RPH3A: variants seen among roughly 807,000 people sequenced by gnomAD.
RPH3A encodes the protein rabphilin-3A.
A neutral mutation model predicts 102.2 loss-of-function variants in RPH3A; 48 were observed. That is an observed-to-expected ratio of 0.47 (90% CI 0.37 to 0.60). The LOEUF (loss-of-function observed/expected upper bound fraction) is 0.60. RPH3A is among the 20% of genes least tolerant of loss of function. RPH3A has a pLI of 0.00. For synonymous variants in RPH3A, 310 were observed against 324.3 expected (o/e 0.96, Z 0.47); for missense variants, 781 against 910.1 (o/e 0.86, Z 1.83).
intron 6 of RPH3A, among the ~76,000 whole-genome samples, chr12:112,865,801 C>G (rs964219050): frequency 6.6e-6 from 1 of 152,134 alleles, no homozygotes; most frequent in Non-Finnish European, 1.5e-5. Context: ...AACTAGGGAG[C>G]CTGTGGCAGA....
At chr12:112,819,264 C>A (rs762911496) in intron 2 of RPH3A, among the ~76,000 whole-genome samples, 2 of 151,968 alleles carry the variant, frequency 1.3e-5, no homozygotes, top group African/African-American at 2.4e-5. Context: ...CACCACCATG[C>A]CCAACTAATT....
intron 2 of RPH3A, among the ~76,000 whole-genome samples, chr12:112,793,618 T>A (rs76551622): frequency 5.3e-5 from 8 of 152,190 alleles, no homozygotes; most frequent in African/African-American, 1.7e-4. Context: ...TCCTAGCTTC[T>A]CTTGCTGGGT....
intron 1 of RPH3A, among the ~76,000 whole-genome samples, chr12:112,686,497 T>C (rs1454983469): frequency 6.6e-6 from 1 of 152,244 alleles, no homozygotes; most frequent in African/African-American, 2.4e-5. Context: ...ATCAGGGCTT[T>C]ACCTCTCTTG....
chr12:112,833,892 GATAAGTTTTTTTTTA>G (rs2042010331), intron 3 of RPH3A, among the ~76,000 whole-genome samples: 1 of 152,176 alleles, frequency 6.6e-6, no homozygotes, highest in Middle Eastern at 3.4e-3. Context: ...ACTGCACCTG[GATAAGTTTTTTTTTA>G]AATAGAGATG....
intron 1 of RPH3A, among the ~76,000 whole-genome samples, chr12:112,660,892 C>T (rs923711109): frequency 1.3e-5 from 2 of 152,074 alleles, no homozygotes; most frequent in African/African-American, 4.8e-5. Flanking sequence ...AATAGATTCT[C>T]ATGGGATCTG....
intron 1 of RPH3A, among the ~76,000 whole-genome samples, chr12:112,584,894 C>T (rs1592893691): frequency 6.6e-6 from 1 of 152,242 alleles, no homozygotes; most frequent in South Asian, 2.1e-4. Flanking sequence ...AGTATTGACT[C>T]ACACTATCAC....
chr12:112,728,910 A>G (rs1419407971), intron 1 of RPH3A, among the ~76,000 whole-genome samples: 2 of 152,188 alleles, frequency 1.3e-5, no homozygotes, highest in Non-Finnish European at 2.9e-5. Flanking sequence ...GGGAATGGGC[A>G]GGGAACTTCC....
intron 1 of RPH3A, among the ~76,000 whole-genome samples, chr12:112,716,220 T>C (rs571985567): frequency 2.7e-4 from 41 of 152,306 alleles, no homozygotes; most frequent in African/African-American, 9.4e-4. Flanking sequence ...TCTCATCTTG[T>C]GACTTAGAAT....
chr12:112,838,839 A>G (rs901847666), intron 4 of RPH3A, among the ~76,000 whole-genome samples: 7 of 152,034 alleles, frequency 4.6e-5, no homozygotes, highest in Non-Finnish European at 8.8e-5. Flanking sequence ...GGAAACATCT[A>G]TGAGGGCTTC....
intron 1 of RPH3A, among the ~76,000 whole-genome samples, chr12:112,588,519 TC>T (rs1440584178): frequency 1.4e-4 from 22 of 152,198 alleles, no homozygotes. Flanking sequence ...ACGGGGTCCC[TC>T]CCACGACATG....
At chr12:112,664,376 T>C (rs770533397) in intron 1 of RPH3A, among the ~76,000 whole-genome samples, 7 of 152,186 alleles carry the variant, frequency 4.6e-5, no homozygotes, top group South Asian at 4.2e-4. Flanking sequence ...CTCCAGAAAG[T>C]AGTTTTTGGT....
At chr12:112,686,340 T>C (rs1325812343) in intron 1 of RPH3A, among the ~76,000 whole-genome samples, 4 of 152,180 alleles carry the variant, frequency 2.6e-5, no homozygotes, top group Admixed American at 6.5e-5. Flanking sequence ...CCTGAACCCA[T>C]GCCCTTGCAA....
At chr12:112,839,080 G>A (rs1196737580) in intron 4 of RPH3A, among the ~76,000 whole-genome samples, 1 of 116,210 alleles carries the variant, frequency 8.6e-6, no homozygotes, top group Non-Finnish European at 1.8e-5. Flanking sequence ...CTGGGAAAAT[G>A]AGCAGGTTAC....
At chr12:112,729,541 A>G (rs1213536140) in intron 1 of RPH3A, among the ~76,000 whole-genome samples, 2 of 152,132 alleles carry the variant, frequency 1.3e-5, no homozygotes, top group Admixed American at 6.5e-5. Context: ...AGATAAGCAG[A>G]GTTAGGACAG....
At chr12:112,778,726 C>A (rs1259915929) in intron 1 of RPH3A, among the ~76,000 whole-genome samples, 1 of 152,176 alleles carries the variant, frequency 6.6e-6, no homozygotes, top group Non-Finnish European at 1.5e-5. Context: ...AGCCTCTTGG[C>A]AGCCCCAGGC....
At chr12:112,618,031 A>T (rs1282655803) in intron 1 of RPH3A, among the ~76,000 whole-genome samples, 2 of 152,186 alleles carry the variant, frequency 1.3e-5, no homozygotes, top group Non-Finnish European at 2.9e-5. Context: ...TTATGTATAC[A>T]CATATCCCAG....
chr12:112,802,276 G>A (rs548636106), intron 2 of RPH3A, among the ~76,000 whole-genome samples: 1 of 152,218 alleles, frequency 6.6e-6, no homozygotes, highest in African/African-American at 2.4e-5. Context: ...CTGGAGCTGG[G>A]TGGACATGGG....
intron 1 of RPH3A, among the ~76,000 whole-genome samples, chr12:112,690,935 C>A (rs921933789): frequency 6.6e-6 from 1 of 152,050 alleles, no homozygotes; most frequent in Non-Finnish European, 1.5e-5. Flanking sequence ...TTGTACTTAT[C>A]CTATATAAAT....
At chr12:112,753,921 G>A (rs1218157549) in intron 1 of RPH3A, among the ~76,000 whole-genome samples, 1 of 152,198 alleles carries the variant, frequency 6.6e-6, no homozygotes, top group African/African-American at 2.4e-5. Flanking sequence ...ATACAGGAGA[G>A]GCAGGAGGGT....
Sources: gnomAD v4.1 joint callset for allele counts (sites outside exome capture counted in the v4.1 genomes callset) on GRCh38, gnomAD v4.1.1 for gene constraint, MANE v1.5 for transcripts, NCBI Gene and HGNC (gene_info 2026-07-23, HGNC 2026-07-21) for gene names.